MAPKAP1: variants seen among roughly 807,000 people sequenced by gnomAD.
The protein encoded by MAPKAP1 is target of rapamycin complex 2 subunit MAPKAP1.
Under a neutral mutation model 65.7 loss-of-function variants are expected in MAPKAP1, and 20 were observed. The observed-to-expected ratio is 0.30, with a 90% CI of 0.21 to 0.44. The LOEUF (loss-of-function observed/expected upper bound fraction) is 0.44. MAPKAP1 is among the 20% of genes least tolerant of loss of function. The pLI, the probability that MAPKAP1 is intolerant of heterozygous loss-of-function variation, is 1.00. For missense variants in MAPKAP1, 423 were observed against 648.0 expected (o/e 0.65, Z 3.77); for synonymous variants, 222 against 244.3 (o/e 0.91, Z 0.85).
At chr9:125,618,102 T>C (rs1317319015) in intron 4 of MAPKAP1, among the ~76,000 whole-genome samples, 1 of 151,882 alleles carries the variant, frequency 6.6e-6, no homozygotes, top group Non-Finnish European at 1.5e-5. Flanking sequence ...ACAACTTCCT[T>C]TAAGAACTTA....
At chr9:125,696,422 C>CA (rs150347319) in intron 1 of MAPKAP1, 6,682 of 135,442 alleles carry the variant, frequency 0.049, 263 homozygotes, top group African/African-American at 0.11. Context: ...GAAAAAAAAA[C>CA]AAAAAAAAAA....
chr9:125,546,612 T>C (rs781456339), intron 6 of MAPKAP1, among the ~76,000 whole-genome samples: 1 of 152,192 alleles, frequency 6.6e-6, no homozygotes, highest in Non-Finnish European at 1.5e-5. Flanking sequence ...GGATTTTTTA[T>C]GGGCTTTCTA....
intron 1 of MAPKAP1, among the ~76,000 whole-genome samples, chr9:125,693,664 CACATATACACGTAT>C (rs1189564403): frequency 1.6e-5 from 2 of 124,662 alleles, no homozygotes; most frequent in South Asian, 4.5e-4. Context: ...TACATACACA[CACATATACACGTAT>C]ATATACACGT....
rs1852407228 is a variant in MAPKAP1, at chr9:125,439,619, G to A, written c.1444-607C>T. On this transcript the variant is annotated intron_variant, in intron 11 of 11. Transcript: ENST00000265960. This position sits in a 1 kb window ranked among gnomAD's most constrained non-coding sequence, Gnocchi z 4.0. ...GGAAGTCAGGGTGAGAGCTGTGAGG[G>A]GGCTGAAAGAGCCCTGTGTGAAGGG... 6.6e-6 allele frequency among the ~76,000 whole-genome samples: 1 copy of A among 152,260 alleles called. No homozygotes were observed. The highest frequency in any genetic ancestry group is 1.5e-5 in the Non-Finnish European group (1 of 68,042).
chr9:125,486,332 G>T (rs1373037236), intron 8 of MAPKAP1, among the ~76,000 whole-genome samples: 1 of 152,180 alleles, frequency 6.6e-6, no homozygotes, highest in Admixed American at 6.5e-5. Flanking sequence ...CATCACCAGT[G>T]CAGGGGGTAG....
intron 9 of MAPKAP1, among the ~76,000 whole-genome samples, chr9:125,478,991 C>G (rs1426687157): frequency 6.6e-6 from 1 of 152,172 alleles, no homozygotes; most frequent in African/African-American, 2.4e-5. Context: ...AGCAGTTAGG[C>G]TCAGGACTCA....
intron 7 of MAPKAP1, among the ~76,000 whole-genome samples, chr9:125,538,777 T>G (rs1187201236): frequency 6.6e-6 from 1 of 152,164 alleles, no homozygotes; most frequent in African/African-American, 2.4e-5. Context: ...TCTCAGCCTC[T>G]TATGTATACT....
intron 1 of MAPKAP1, among the ~76,000 whole-genome samples, chr9:125,702,442 G>A (rs369085986): frequency 1.5e-4 from 23 of 152,108 alleles, no homozygotes; most frequent in African/African-American, 4.8e-4. Context: ...GCTGAGGCAG[G>A]AGAATTGCTT....
At chr9:125,573,410 A>G (rs2131544991) in intron 5 of MAPKAP1, among the ~76,000 whole-genome samples, 1 of 152,346 alleles carries the variant, frequency 6.6e-6, no homozygotes, top group South Asian at 2.1e-4. Context: ...AACATCAGGA[A>G]GTAACCCTAT....
rs1854194073 is a variant in MAPKAP1, at chr9:125,478,633, G to A, written c.1207+5810C>T. Among the ~76,000 whole-genome samples the A allele has an allele frequency of 2.0e-5, 3 of 152,090 alleles. No individual in the cohort carries two copies. In the East Asian group the frequency reaches 5.8e-4, roughly 29 times the overall value. On this transcript the variant is annotated intron_variant, in intron 9 of 11. Transcript: ENST00000265960. Reference sequence around the variant, plus strand: ...ATCTGAGCCATCCTGCCCAGTCTGGGGGTGAATTATTAATGACACCTGTGG... The same window carrying A: ...ATCTGAGCCATCCTGCCCAGTCTGGAGGTGAATTATTAATGACACCTGTGG...
chr9:125,671,768 G>C (rs1588058941), intron 2 of MAPKAP1, among the ~76,000 whole-genome samples: 1 of 152,074 alleles, frequency 6.6e-6, no homozygotes, highest in South Asian at 2.1e-4. Context: ...TAAAGGCGAA[G>C]TATCAAAAAC....
chr9:125,498,011 G>C (rs1434373230), intron 8 of MAPKAP1, among the ~76,000 whole-genome samples: 1 of 152,212 alleles, frequency 6.6e-6, no homozygotes, highest in Non-Finnish European at 1.5e-5. Context: ...GCTTGGACAA[G>C]AATGGAAGTC....
At chr9:125,604,719 G>GC (rs149353610) in intron 4 of MAPKAP1, among the ~76,000 whole-genome samples, 1,530 of 152,330 alleles carry the variant, frequency 0.01, 9 homozygotes, top group Middle Eastern at 0.024. Context: ...TATTGAAAGT[G>GC]CAAGAGGGAC....
At chr9:125,663,036 T>C (rs780410876) in intron 3 of MAPKAP1, among the ~76,000 whole-genome samples, 1 of 152,206 alleles carries the variant, frequency 6.6e-6, no homozygotes, top group African/African-American at 2.4e-5. Context: ...TCTCTACTTC[T>C]GTGTATGTCT....
chr9:125,691,422 G>A (rs1441364504), intron 1 of MAPKAP1, among the ~76,000 whole-genome samples: 1 of 152,122 alleles, frequency 6.6e-6, no homozygotes. Context: ...GGGGAGATGA[G>A]GAGTTATGTT....
At chr9:125,529,520 A>AG (rs1385502198) in intron 7 of MAPKAP1, among the ~76,000 whole-genome samples, 5 of 151,796 alleles carry the variant, frequency 3.3e-5, no homozygotes, top group African/African-American at 9.7e-5. Flanking sequence ...AAAAAAGAAA[A>AG]GAAAAAAAAA....
At chr9:125,631,760 T>C (rs1342820055) in intron 4 of MAPKAP1, among the ~76,000 whole-genome samples, 3 of 152,182 alleles carry the variant, frequency 2.0e-5, no homozygotes. Flanking sequence ...GCCCAGAATT[T>C]ACCAGCATCT....
At position 125,692,660 on chromosome 9, in the gene MAPKAP1, C is replaced by T. The variant is rs897304868; in HGVS notation, c.-70+14311G>A. ...ATTTTATGGTATGCGAATTATATCTCAATTTTTAAAAAAGAAAGGGGATAG... is the reference window on the plus strand; with the variant it reads ...ATTTTATGGTATGCGAATTATATCTTAATTTTTAAAAAAGAAAGGGGATAG... On this transcript the variant is annotated intron_variant, in intron 1 of 11. Coordinates refer to ENST00000265960, the MANE Select transcript of MAPKAP1 (RefSeq NM_001006617.3). 3.3e-5 allele frequency among the ~76,000 whole-genome samples: 5 copies of T among 152,042 alleles called. No individual in the cohort carries two copies. The East Asian group carries it at 9.6e-4, about 29-fold the overall frequency.
At chr9:125,514,356 G>T (rs982312587) in intron 7 of MAPKAP1, among the ~76,000 whole-genome samples, 1 of 152,082 alleles carries the variant, frequency 6.6e-6, no homozygotes, top group African/African-American at 2.4e-5. Context: ...GCCTCCCCCA[G>T]CCTCGAGGCA....
Sources: gnomAD v4.1 joint callset for allele counts (sites outside exome capture counted in the v4.1 genomes callset) on GRCh38, gnomAD v4.1.1 for gene constraint, Gnocchi (gnomAD v3.1) non-coding constraint, MANE v1.5 for transcripts, NCBI Gene and HGNC (gene_info 2026-07-23, HGNC 2026-07-21) for gene names.